Variants in NBEAL1 observed in about 807,000 individuals in gnomAD.
The protein encoded by NBEAL1 is neurobeachin like 1.
In NBEAL1, 273 loss-of-function variants were observed where a neutral mutation model predicts 351.3. The observed-to-expected ratio is 0.78, with a 90% confidence interval of 0.70 to 0.86. The LOEUF (loss-of-function observed/expected upper bound fraction) is 0.86, where lower values mean the gene tolerates loss of function less well. Ranked by LOEUF, NBEAL1 falls within the 40% of genes least tolerant of loss-of-function variation. The pLI is 0.00. For missense variants in NBEAL1, 2,961 were observed against 3,201.3 expected (o/e 0.92, Z 1.81); for synonymous variants, 1,050 against 1,086.4 (o/e 0.97, Z 0.66).
chr2:203,049,360 A>T (rs1171301920), intron 3 of NBEAL1, among the ~76,000 whole-genome samples: 1 of 152,192 alleles, frequency 6.6e-6, no homozygotes, highest in African/African-American at 2.4e-5. Flanking sequence ...CCTGGCCAAC[A>T]GTTGACATAT....
chr2:203,210,746 G>T (rs1285678151), intron 53 of NBEAL1, among the ~76,000 whole-genome samples: 1 of 152,188 alleles, frequency 6.6e-6, no homozygotes, highest in Non-Finnish European at 1.5e-5. Flanking sequence ...CTTCTTTGGA[G>T]AGAGTGAGAT....
At chr2:203,207,764 C>G (rs1435760630) in intron 51 of NBEAL1, among the ~76,000 whole-genome samples, 31 of 152,156 alleles carry the variant, frequency 2.0e-4, no homozygotes. Context: ...TACCCAGGGA[C>G]ACAAACACTG....
chr2:203,023,438 T>C (rs1017749503), intron 2 of NBEAL1, among the ~76,000 whole-genome samples: 3 of 152,236 alleles, frequency 2.0e-5, no homozygotes, highest in African/African-American at 7.2e-5. Flanking sequence ...TTTATATCAG[T>C]GGACCTGAAA....
chr2:203,126,187 A>T, intron 21 of NBEAL1, 94 bp downstream of exon 21: 2 of 1,260,390 alleles, frequency 1.6e-6, no homozygotes, highest in Non-Finnish European at 2.2e-6. Flanking sequence ...ATTTTTAAAG[A>T]TTATTACAAC....
At chr2:203,025,909 T>C (rs1461655501) in intron 2 of NBEAL1, among the ~76,000 whole-genome samples, 1 of 152,210 alleles carries the variant, frequency 6.6e-6, no homozygotes, top group East Asian at 1.9e-4. Flanking sequence ...CATTTTCCTT[T>C]TGCTGTATCT....
At chr2:203,115,245 C>A (rs577677121) in intron 17 of NBEAL1, among the ~76,000 whole-genome samples, 73 of 151,536 alleles carry the variant, frequency 4.8e-4, no homozygotes, top group African/African-American at 1.7e-3. Context: ...CTCCACCTTC[C>A]GAGTAGCTGG....
At chr2:203,157,532 C>T (rs140887677) in intron 35 of NBEAL1, among the ~76,000 whole-genome samples, 167 bp from the exon 36 acceptor site, 77 of 152,102 alleles carry the variant, frequency 5.1e-4, no homozygotes, top group African/African-American at 1.8e-3. Flanking sequence ...TGGTCAAAAT[C>T]GCCATCAAAC....
intron 6 of NBEAL1, among the ~76,000 whole-genome samples, chr2:203,059,406 A>T (rs563485153): frequency 4.8e-4 from 73 of 152,346 alleles, no homozygotes; most frequent in African/African-American, 1.6e-3. Flanking sequence ...GAGAGCCTCT[A>T]CTCATCAGAG....
chr2:203,209,210 C>A lies in NBEAL1; in HGVS notation c.7673C>A (p.Thr2558Asn). 1.9e-6 allele frequency: 3 copies of A among 1,613,614 alleles called. No homozygotes were observed. Among genetic ancestry groups the A allele is most frequent in the Non-Finnish European group, 1.7e-6 (2 of 1,179,588 alleles). Residue 2558 changes from threonine to asparagine, a missense_variant, in exon 53 of 56, where the codon ACT becomes AAT. Physicochemically the swap from Thr to Asn is moderately conservative, Grantham distance 65. Coordinates refer to ENST00000683969, the MANE Select transcript of NBEAL1 (RefSeq NM_001378026.1). ...HTIQKGQYMR[T>N]LRPPCESSLF... ...ATTCAGAAAGGTCAGTACATGAGGA[C>A]TTTACGACCACCTTGTGAGAGTTCT...
intron 29 of NBEAL1, 28 bp downstream of exon 29, chr2:203,136,802 C>A (rs767848481): frequency 1.3e-6 from 2 of 1,598,542 alleles, no homozygotes; most frequent in Non-Finnish European, 1.7e-6. Flanking sequence ...GATTTTCCAT[C>A]CTCCTTTTGG....
intron 12 of NBEAL1, among the ~76,000 whole-genome samples, chr2:203,103,289 T>G (rs1360876041): frequency 3.9e-5 from 6 of 152,120 alleles, no homozygotes; most frequent in Admixed American, 3.9e-4. Context: ...CTTTTTTTTT[T>G]TGGAGACAGA....
rs1447662486 is a variant in NBEAL1 at position 203,108,075 on chromosome 2, C to T, written c.1836C>T (p.Pro612=). 6.4e-7 allele frequency: 1 copy of T among 1,552,334 alleles called. No individual in the cohort carries two copies. Among genetic ancestry groups the T allele is most frequent in the South Asian group, 1.2e-5 (1 of 84,122 alleles). The change falls in exon 14 of 56, where the codon CCC becomes CCT. Residue 612 remains proline (P), a synonymous_variant. Coordinates refer to ENST00000683969, the MANE Select transcript of NBEAL1 (RefSeq NM_001378026.1). Reference sequence around the variant, plus strand: ...GTATGGCAGGAATTTCTGTGCCTCCCATACAGAAATGGCCAGGGTCTGCCT... The same window carrying T: ...GTATGGCAGGAATTTCTGTGCCTCCTATACAGAAATGGCCAGGGTCTGCCT... ...SHSMAGISVP[P]IQKWPGSAFS...
chr2:203,216,848 G>A (rs2065902579), intron 55 of NBEAL1, among the ~76,000 whole-genome samples: 2 of 152,182 alleles, frequency 1.3e-5, no homozygotes, highest in Admixed American at 1.3e-4. Context: ...ATGATGCCCA[G>A]GCTGGAGGAC....
chr2:203,149,004 A>G lies in NBEAL1; in HGVS notation c.5318A>G (p.Glu1773Gly), dbSNP rs1362034891. 8 of 1,607,774 alleles carry G rather than the reference A, an allele frequency of 5.0e-6. No homozygotes were observed. Among genetic ancestry groups the G allele is most frequent in the Non-Finnish European group, 5.9e-6 (7 of 1,176,510 alleles). The part of the protein sequence containing the change: ...SKLKFQELFV[E>G]PFNRKARQEN... The stretch of plus-strand genomic sequence containing the variant: ...TGTTTCTTTCAGGAGCTGTTTGTGG[A>G]GCCATTTAATCGAAAAGCACGCCAA... The change falls in exon 34 of 56, where the codon GAG (glutamate) becomes GGG (glycine). Residue 1773 changes from glutamate to glycine, a missense_variant. Physicochemically the swap from Glu to Gly is moderately conservative, Grantham distance 98. Transcript: ENST00000683969.
At chr2:203,128,237 C>T (rs1392371786) in intron 24 of NBEAL1, among the ~76,000 whole-genome samples, 2 of 149,966 alleles carry the variant, frequency 1.3e-5, no homozygotes, top group East Asian at 2.0e-4. Flanking sequence ...CAGGTGTGCA[C>T]CCCCACACTG....
chr2:203,208,053 G>A (rs1371416138), intron 51 of NBEAL1, among the ~76,000 whole-genome samples: 4 of 152,110 alleles, frequency 2.6e-5, no homozygotes, highest in Non-Finnish European at 4.4e-5. Context: ...AGGCTGAGGC[G>A]GAAGGATTAC....
intron 48 of NBEAL1, among the ~76,000 whole-genome samples, chr2:203,198,925 C>T (rs56701081): frequency 0.28 from 42,149 of 151,558 alleles, 6,317 homozygotes; most frequent in East Asian, 0.51. Flanking sequence ...TGGTGACTCA[C>T]GCCTGTCATC....
At chr2:203,182,769 C>T (rs559507133) in intron 43 of NBEAL1, 27 of 152,292 alleles carry the variant, frequency 1.8e-4, no homozygotes, top group African/African-American at 6.5e-4. Context: ...AAAAAACCCT[C>T]ATATTTGGGG....
chr2:203,190,176 ACACACACACACACACACAC>A, intron 45 of NBEAL1, 97 bp from the exon 46 acceptor site: 1 of 20,352 alleles, frequency 4.9e-5, no homozygotes, highest in Non-Finnish European at 2.5e-4. Flanking sequence ...ACACACACAC[ACACACACACACACACACAC>A]ACACACACAC....
Sources: gnomAD v4.1 joint callset for allele counts (sites outside exome capture counted in the v4.1 genomes callset) on GRCh38, gnomAD v4.1.1 for gene constraint, MANE v1.5 for transcripts, NCBI Gene and HGNC (gene_info 2026-07-23, HGNC 2026-07-21) for gene names.